AUTS2: variants seen among roughly 807,000 people sequenced by gnomAD.
AUTS2 encodes autism susceptibility gene 2 protein.
In AUTS2, 17 loss-of-function variants were observed where a neutral mutation model predicts 112.4. The ratio of observed to expected loss-of-function variants is 0.15; its 90% confidence interval spans 0.10 to 0.23. The LOEUF (loss-of-function observed/expected upper bound fraction) is 0.23, where lower values mean the gene tolerates loss of function less well. Among genes scored for constraint, AUTS2 ranks in the 10% least tolerant of loss-of-function variants. The pLI is 1.00. For synonymous variants in AUTS2, 751 were observed against 702.7 expected (o/e 1.07, Z -1.09); for missense variants, 1,510 against 1,701.6 (o/e 0.89, Z 1.98).
intron 2 of AUTS2, among the ~76,000 whole-genome samples, chr7:69,963,752 A>G (rs1797523316): frequency 1.3e-5 from 2 of 152,102 alleles, no homozygotes; most frequent in African/African-American, 4.8e-5. Flanking sequence ...AGGTAGAGAG[A>G]TAAGTGGTTA....
At chr7:69,875,970 A>G (rs1793717261) in intron 1 of AUTS2, among the ~76,000 whole-genome samples, 1 of 152,132 alleles carries the variant, frequency 6.6e-6, no homozygotes, top group African/African-American at 2.4e-5. Context: ...TTTTGGATAT[A>G]TGTGCATACT....
chr7:70,631,518 A>G lies in AUTS2; in HGVS notation c.691-67051A>G, dbSNP rs547919249. ...AACCGTGGGGGACGGGGTGGTCGCAACCTAGAATGTGGGCTGGAGAGCGCT... is the reference window on the plus strand; with the variant it reads ...AACCGTGGGGGACGGGGTGGTCGCAGCCTAGAATGTGGGCTGGAGAGCGCT... On this transcript the variant is annotated intron_variant, in intron 5 of 18. Coordinates refer to ENST00000342771, the MANE Select transcript of AUTS2 (RefSeq NM_015570.4). This position sits in a 1 kb window ranked among gnomAD's most constrained non-coding sequence, Gnocchi z 4.5. 7.9e-5 allele frequency among the ~76,000 whole-genome samples: 12 copies of G among 152,166 alleles called. No homozygotes were observed. The highest frequency in any genetic ancestry group is 2.9e-4 in the African/African-American group (12 of 41,534).
chr7:70,098,538 T>G (rs1244197429), intron 2 of AUTS2, among the ~76,000 whole-genome samples: 1 of 151,950 alleles, frequency 6.6e-6, no homozygotes, highest in Non-Finnish European at 1.5e-5. Context: ...AGCTGTGGGG[T>G]ACCGGTGGTT....
chr7:69,599,981 C>T lies in AUTS2; in HGVS notation c.309+19C>T, dbSNP rs769789060. The T allele has an allele frequency of 7.4e-6, 12 of 1,611,516 alleles. No individual in the cohort carries two copies. In the Admixed American group the frequency reaches 1.2e-4, roughly 16 times the overall value. ...GCTGGAGGTAAGGGGGACCCCCCTT[C>T]CCCCGGGTTCCCTTTATGCACGACC... On this transcript the variant is annotated intron_variant, in intron 1 of 18. Transcript: ENST00000342771. The surrounding 1 kb of genome is among the most constrained non-coding windows in gnomAD (Gnocchi z 7.0).
Position 69,736,780 on chromosome 7 carries a change from A to C in AUTS2, c.309+136818A>C, listed in dbSNP as rs187344821. Reference sequence around the variant, plus strand: ...GCTTCACCTATATGGGAAATGAGTAAAGACTTTTGGTGACTTTTTTTTCCC... The same window carrying C: ...GCTTCACCTATATGGGAAATGAGTACAGACTTTTGGTGACTTTTTTTTCCC... On this transcript the variant is annotated intron_variant, in intron 1 of 18. Transcript: ENST00000342771. Among the ~76,000 whole-genome samples the C allele has an allele frequency of 2.1e-3, 323 of 152,268 alleles. 1 individual carries two copies. The highest frequency in any genetic ancestry group is 2.6e-3 in the Non-Finnish European group (180 of 68,024).
chr7:69,802,155 T>A (rs1784681706), intron 1 of AUTS2, among the ~76,000 whole-genome samples: 1 of 152,204 alleles, frequency 6.6e-6, no homozygotes, highest in Non-Finnish European at 1.5e-5. Flanking sequence ...TTCCTGTCTT[T>A]GGATAGTTTC....
intron 5 of AUTS2, among the ~76,000 whole-genome samples, chr7:70,516,990 A>C (rs1049758935): frequency 8.5e-5 from 13 of 152,148 alleles, no homozygotes; most frequent in Non-Finnish European, 1.8e-4. Flanking sequence ...TATTAGAGAT[A>C]ATTAGGTGCA....
intron 5 of AUTS2, among the ~76,000 whole-genome samples, chr7:70,463,056 G>A (rs962348156): frequency 2.6e-4 from 39 of 152,160 alleles, no homozygotes; most frequent in African/African-American, 9.4e-4. Context: ...GTTTGGTTGG[G>A]TTCAGATACT....
intron 4 of AUTS2, among the ~76,000 whole-genome samples, chr7:70,231,122 C>CA (rs1453961942): frequency 1.4e-4 from 21 of 152,142 alleles, no homozygotes; most frequent in African/African-American, 4.6e-4. Context: ...TTGTTTTTGA[C>CA]AATTTTGTTC....
At chr7:70,223,852 G>GTTT (rs34236397) in intron 4 of AUTS2, among the ~76,000 whole-genome samples, 4 of 131,928 alleles carry the variant, frequency 3.0e-5, no homozygotes, top group Non-Finnish European at 3.3e-5. Context: ...TTGTATCTTT[G>GTTT]TTTTTTTTTT....
chr7:69,958,555 A>G (rs1294953961), intron 2 of AUTS2, among the ~76,000 whole-genome samples: 1 of 152,152 alleles, frequency 6.6e-6, no homozygotes, highest in Non-Finnish European at 1.5e-5. Context: ...TTAGGTCTCT[A>G]CACAAACCAT....
Position 70,576,995 on chromosome 7 carries a change from G to A in AUTS2, c.691-121574G>A, listed in dbSNP as rs115878962. Reference sequence around the variant, plus strand: ...CAGAGAACCAGAGTTAGCCTTTCTGGTATTCCAGTTTAGAACAGCACCATA... The same window carrying A: ...CAGAGAACCAGAGTTAGCCTTTCTGATATTCCAGTTTAGAACAGCACCATA... On this transcript the variant is annotated intron_variant, in intron 5 of 18. Transcript: ENST00000342771. Among the ~76,000 whole-genome samples the A allele has an allele frequency of 4.6e-3, 699 of 152,254 alleles. 7 individuals are homozygous for A. Among genetic ancestry groups the A allele is most frequent in the African/African-American group, 0.016 (652 of 41,552 alleles).
intron 1 of AUTS2, among the ~76,000 whole-genome samples, chr7:69,674,306 A>T (rs531984986): frequency 6.6e-6 from 1 of 152,220 alleles, no homozygotes; most frequent in Non-Finnish European, 1.5e-5. Context: ...TTTGTCTTCC[A>T]TTCTGGCTGC....
At chr7:69,768,359 T>C (rs1788519306) in intron 1 of AUTS2, among the ~76,000 whole-genome samples, 1 of 152,252 alleles carries the variant, frequency 6.6e-6, no homozygotes, top group Non-Finnish European at 1.5e-5. Flanking sequence ...CATTTAATTT[T>C]ACAATAACCT....
intron 5 of AUTS2, among the ~76,000 whole-genome samples, chr7:70,522,799 A>G (rs988150232): frequency 6.6e-6 from 1 of 152,134 alleles, no homozygotes; most frequent in African/African-American, 2.4e-5. Context: ...AGAACAGTTT[A>G]TTTTCCTTTG....
rs924232948 is a variant in AUTS2 at position 70,631,958 on chromosome 7, A to G, written c.691-66611A>G. 6.6e-6 allele frequency among the ~76,000 whole-genome samples: 1 copy of G among 151,568 alleles called. No individual in the cohort carries two copies. The highest frequency in any genetic ancestry group is 6.6e-5 in the Admixed American group (1 of 15,192). On this transcript the variant is annotated intron_variant, in intron 5 of 18. Coordinates refer to ENST00000342771, the MANE Select transcript of AUTS2 (RefSeq NM_015570.4). This position sits in a 1 kb window ranked among gnomAD's most constrained non-coding sequence, Gnocchi z 4.5. ...TTTGCATCTCTGGCCTCCTGTGGAG[A>G]CCCGATCTGCCGTCCTGGTGGGCAG...
intron 2 of AUTS2, among the ~76,000 whole-genome samples, chr7:69,989,687 C>G (rs1006520112): frequency 2.6e-5 from 4 of 152,112 alleles, no homozygotes; most frequent in African/African-American, 9.7e-5. Flanking sequence ...ATCAAGTAGA[C>G]TAGGGGAAGA....
At chr7:70,268,868 G>A (rs1787556601) in intron 4 of AUTS2, among the ~76,000 whole-genome samples, 1 of 152,056 alleles carries the variant, frequency 6.6e-6, no homozygotes, top group Admixed American at 6.5e-5. Flanking sequence ...TCAAATAAGA[G>A]TATACTGAAT....
chr7:70,635,521 T>C (rs951905596), intron 5 of AUTS2, among the ~76,000 whole-genome samples: 2 of 151,936 alleles, frequency 1.3e-5, no homozygotes, highest in African/African-American at 4.8e-5. Context: ...GTTCCTAAGC[T>C]CTCCCTGAGC....
Sources: allele counts gnomAD v4.1 joint callset (sites outside exome capture counted in the v4.1 genomes callset), GRCh38; gene constraint gnomAD v4.1.1; non-coding constraint Gnocchi (gnomAD v3.1); transcripts MANE v1.5; gene names NCBI Gene and HGNC (gene_info 2026-07-23, HGNC 2026-07-21).